The following XKR9 variants were observed in gnomAD, a reference collection of about 807,000 sequenced individuals.
The protein encoded by XKR9 is XK related 9, also known as XK-related protein 9.
In XKR9, 32 loss-of-function variants were observed where a neutral mutation model predicts 32.0. The observed-to-expected ratio is 1.00, with a 90% CI of 0.76 to 1.34. XKR9 has a LOEUF of 1.34. Among genes scored for constraint, XKR9 ranks in the 40% most tolerant of loss-of-function variants. The pLI, the probability that XKR9 is intolerant of heterozygous loss-of-function variation, is 0.00. For synonymous variants in XKR9, 168 were observed against 143.4 expected (o/e 1.17, Z -1.22); for missense variants, 546 against 429.7 (o/e 1.27, Z -2.39).
intron 2 of XKR9, among the ~76,000 whole-genome samples, chr8:70,778,574 C>G (rs1807566189): frequency 1.3e-5 from 2 of 152,154 alleles, no homozygotes; most frequent in Non-Finnish European, 2.9e-5. Flanking sequence ...TTCTTCCTAT[C>G]CATGAGCATG....
At chr8:70,702,197 T>G (rs1805561970) in intron 3 of XKR9, among the ~76,000 whole-genome samples, 1 of 152,102 alleles carries the variant, frequency 6.6e-6, no homozygotes, top group African/African-American at 2.4e-5. Context: ...TTATAAAACT[T>G]TAGGATAAAT....
rs540838594 is a variant in XKR9 at position 70,753,499 on chromosome 8, T to C, written n.353-35840T>C. Among the ~76,000 whole-genome samples the C allele has an allele frequency of 4.9e-4, 75 of 152,270 alleles. 1 individual carries two copies. In the South Asian group the frequency reaches 0.016, roughly 32 times the overall value. On this transcript the variant is annotated intron_variant and non_coding_transcript_variant, in intron 2 of 3. Transcript: ENST00000520273. ...TTAGACCAATATCCTTGATGAACAT[T>C]GTTGCAAAAGTCCTCAATAAAATAC...
At chr8:70,926,051 C>G in the XKR9 span, among the ~76,000 whole-genome samples, 1 of 151,954 alleles carries the variant, frequency 6.6e-6, no homozygotes, top group East Asian at 1.9e-4. Context: ...AAAAATATAC[C>G]ACATATATTA....
At chr8:70,727,271 G>A (rs767317622) in intron 4 of XKR9, among the ~76,000 whole-genome samples, 7 of 151,202 alleles carry the variant, frequency 4.6e-5, no homozygotes, top group Non-Finnish European at 1.0e-4. Context: ...AAGATATGGG[G>A]CAATTTAGGG....
chr8:70,882,365 G>A, the XKR9 span, among the ~76,000 whole-genome samples: 1 of 150,490 alleles, frequency 6.6e-6, no homozygotes, highest in Non-Finnish European at 1.5e-5. Context: ...CACAAAATAA[G>A]AGAGAAATTT....
chr8:70,845,644 CA>C, the XKR9 span, among the ~76,000 whole-genome samples: 9 of 151,644 alleles, frequency 5.9e-5, no homozygotes, highest in Non-Finnish European at 1.2e-4. Context: ...ATGAATGAAA[CA>C]AAAAAGTCAT....
chr8:70,812,006 C>G, the XKR9 span, among the ~76,000 whole-genome samples: 5 of 151,988 alleles, frequency 3.3e-5, no homozygotes, highest in South Asian at 2.1e-4. Context: ...AATTTTAGAC[C>G]AATATCCTTG....
At chr8:70,748,348 C>T (rs1807087004) in intron 2 of XKR9, among the ~76,000 whole-genome samples, 2 of 152,228 alleles carry the variant, frequency 1.3e-5, no homozygotes, top group South Asian at 2.1e-4. Flanking sequence ...CCCCCTTCCC[C>T]CCACAGGCTT....
At chr8:70,865,273 CTT>C in the XKR9 span, among the ~76,000 whole-genome samples, 1 of 142,426 alleles carries the variant, frequency 7.0e-6, no homozygotes. Flanking sequence ...TCCTTCTGGG[CTT>C]TTTTTTTTTA....
At chr8:70,678,777 C>G (rs1474297005) in intron 2 of XKR9, among the ~76,000 whole-genome samples, 1 of 152,098 alleles carries the variant, frequency 6.6e-6, no homozygotes, top group East Asian at 1.9e-4. Flanking sequence ...AATGAAATAC[C>G]TTTTAATATT....
At chr8:70,677,336 TG>T (rs930078298) in intron 2 of XKR9, among the ~76,000 whole-genome samples, 1 of 151,780 alleles carries the variant, frequency 6.6e-6, no homozygotes, top group Non-Finnish European at 1.5e-5. Context: ...TTTGTAGAGG[TG>T]GGGTTTCACC....
At chr8:70,896,197 A>C in the XKR9 span, among the ~76,000 whole-genome samples, 1 of 151,790 alleles carries the variant, frequency 6.6e-6, no homozygotes, top group African/African-American at 2.4e-5. Context: ...TCTGGTTTTG[A>C]TATTAGTGTG....
the XKR9 span, among the ~76,000 whole-genome samples, chr8:70,836,197 A>G: frequency 3.9e-5 from 6 of 152,092 alleles, no homozygotes; most frequent in Admixed American, 3.3e-4. Context: ...AAAATTCAAT[A>G]TTTGTTTAAT....
At chr8:70,921,044 C>A in the XKR9 span, among the ~76,000 whole-genome samples, 1 of 152,168 alleles carries the variant, frequency 6.6e-6, no homozygotes, top group African/African-American at 2.4e-5. Context: ...GTTCCTCATT[C>A]CATATACTCA....
the XKR9 span, among the ~76,000 whole-genome samples, chr8:70,940,112 T>C: frequency 6.6e-6 from 1 of 152,068 alleles, no homozygotes; most frequent in Non-Finnish European, 1.5e-5. Flanking sequence ...CCCTAGGTTC[T>C]GTGTAATGGG....
At chr8:70,843,040 C>A in the XKR9 span, among the ~76,000 whole-genome samples, 2 of 152,204 alleles carry the variant, frequency 1.3e-5, no homozygotes, top group South Asian at 4.2e-4. Context: ...GGATGCACGC[C>A]CATGACTTGC....
intron 2 of XKR9, among the ~76,000 whole-genome samples, chr8:70,744,887 T>C (rs951232944): frequency 1.3e-5 from 2 of 150,204 alleles, no homozygotes; most frequent in African/African-American, 4.9e-5. Context: ...ATTACAGGCA[T>C]GAGTTACCAT....
intron 2 of XKR9, among the ~76,000 whole-genome samples, chr8:70,752,052 A>T (rs1034676653): frequency 6.6e-6 from 1 of 152,158 alleles, no homozygotes; most frequent in African/African-American, 2.4e-5. Context: ...GTATTCATCC[A>T]ATTGATTTTT....
chr8:71,017,864 T>A, the XKR9 span, among the ~76,000 whole-genome samples: 2 of 152,214 alleles, frequency 1.3e-5, no homozygotes, highest in East Asian at 3.8e-4. Flanking sequence ...GCACTTGATT[T>A]TCATCCCCAA....
Sources: gnomAD v4.1 joint callset for allele counts (sites outside exome capture counted in the v4.1 genomes callset) on GRCh38, gnomAD v4.1.1 for gene constraint, MANE v1.5 for transcripts, NCBI Gene and HGNC (gene_info 2026-07-23, HGNC 2026-07-21) for gene names.